FCHSD2: variants seen among roughly 807,000 people sequenced by gnomAD.
FCHSD2 encodes F-BAR and double SH3 domains protein 2.
FCHSD2 carries 38 observed loss-of-function variants against 108.1 expected under a neutral mutation model. The ratio of observed to expected loss-of-function variants is 0.35; its 90% CI spans 0.27 to 0.46. The LOEUF (loss-of-function observed/expected upper bound fraction) is 0.46. FCHSD2 is among the 20% of genes least tolerant of loss of function. The probability of loss-of-function intolerance (pLI) is 1.00; values close to 1 mark genes in which losing one functional copy is unlikely to be tolerated. For missense variants in FCHSD2, 751 were observed against 897.8 expected, an observed-to-expected ratio of 0.84 and a Z score of 2.09; for synonymous variants, 279 against 314.7, an observed-to-expected ratio of 0.89 and a Z score of 1.20.
chr11:72,852,797 T>C (rs759514344), intron 13 of FCHSD2, among the ~76,000 whole-genome samples: 1 of 152,134 alleles, frequency 6.6e-6, no homozygotes, highest in Admixed American at 6.6e-5. Flanking sequence ...ATATATACCA[T>C]GAAATACTAG....
rs573913766 is a variant in FCHSD2 at position 72,865,265 on chromosome 11, C to T, written c.1308+2600G>A. 2.6e-5 allele frequency among the ~76,000 whole-genome samples: 4 copies of T among 152,256 alleles called. No individual in the cohort carries two copies. In the East Asian group the frequency reaches 5.8e-4, roughly 22 times the overall value. The stretch of plus-strand genomic sequence containing the variant: ...AGCTGTCAGTATGAAGAGATACAAC[C>T]CCCTCTAAATAATTTCAGTGCTGTT... On this transcript the variant is annotated intron_variant, in intron 13 of 19. Transcript: ENST00000409418.
At chr11:73,078,933 G>C (rs1386906599) in intron 3 of FCHSD2, among the ~76,000 whole-genome samples, 1 of 151,818 alleles carries the variant, frequency 6.6e-6, no homozygotes, top group Admixed American at 6.6e-5. Context: ...TTGTCAGGCC[G>C]GTCTGAAACT....
chr11:73,101,370 G>A (rs1033385458), intron 2 of FCHSD2, among the ~76,000 whole-genome samples: 4 of 152,142 alleles, frequency 2.6e-5, no homozygotes, highest in Non-Finnish European at 4.4e-5. Flanking sequence ...AGAGAAAGGA[G>A]TGATAACTCT....
chr11:73,120,357 T>C (rs2135557253), intron 2 of FCHSD2, among the ~76,000 whole-genome samples: 1 of 152,340 alleles, frequency 6.6e-6, no homozygotes, highest in African/African-American at 2.4e-5. Context: ...ATTTTAAAAG[T>C]CTATTAAGTA....
In FCHSD2 at chr11:72,952,393, C is replaced by G. The variant is rs574469971; in HGVS notation, c.706-30443G>C. On this transcript the variant is annotated intron_variant, in intron 8 of 19. Coordinates refer to ENST00000409418, the MANE Select transcript of FCHSD2 (RefSeq NM_014824.3). ...AGTGTGGAGTGCAGTGGCACTATTT[C>G]GGCTCACTGCAACTTCCGCCTCCCG... 4.6e-5 allele frequency among the ~76,000 whole-genome samples: 7 copies of G among 151,136 alleles called. No homozygotes were observed. In the South Asian group the frequency reaches 1.0e-3, roughly 23 times the overall value.
chr11:72,990,873 C>T (rs1034257140), intron 5 of FCHSD2, among the ~76,000 whole-genome samples: 5 of 151,904 alleles, frequency 3.3e-5, no homozygotes, highest in Middle Eastern at 3.4e-3. Context: ...CAGAACTGAA[C>T]GAAATAGAGA....
intron 3 of FCHSD2, among the ~76,000 whole-genome samples, chr11:73,041,440 A>G (rs998678778): frequency 8.5e-5 from 13 of 152,066 alleles, no homozygotes; most frequent in South Asian, 2.1e-4. Context: ...AGGTAAGATG[A>G]TATCTCATTG....
Position 72,841,392 on chromosome 11 carries a change from G to C in FCHSD2, c.2056+62C>G, listed in dbSNP as rs989790229. Reference sequence around the variant, plus strand: ...AAATGCAGTTTTTTTTTGCCCTTCAGGCGAATATGTAGGTTTCTGAAGTGA... The same window carrying C: ...AAATGCAGTTTTTTTTTGCCCTTCACGCGAATATGTAGGTTTCTGAAGTGA... On this transcript the variant is annotated intron_variant, in intron 18 of 19. Transcript: ENST00000409418. 6.7e-6 allele frequency: 10 copies of C among 1,489,128 alleles called. No individual in the cohort carries two copies. In the Admixed American group the frequency reaches 1.6e-4, roughly 24 times the overall value. 92.2% of individuals were successfully genotyped at this position (1,489,128 alleles called of 1,614,324 possible).
chr11:73,008,508 T>C (rs551160316), intron 4 of FCHSD2, among the ~76,000 whole-genome samples: 1 of 152,278 alleles, frequency 6.6e-6, no homozygotes, highest in East Asian at 1.9e-4. Context: ...GGAAAAAGAC[T>C]GCTTTCAGTC....
At chr11:72,941,714 AG>A (rs1856422820) in intron 8 of FCHSD2, among the ~76,000 whole-genome samples, 1 of 152,214 alleles carries the variant, frequency 6.6e-6, no homozygotes, top group South Asian at 2.1e-4. Context: ...CAAGGGTGCA[AG>A]GATAGGCACT....
At chr11:72,851,101 C>CAAAAA (rs55916551) in intron 13 of FCHSD2, among the ~76,000 whole-genome samples, 3 of 70,078 alleles carry the variant, frequency 4.3e-5, no homozygotes, top group Non-Finnish European at 7.5e-5. Flanking sequence ...GACTCTGTCT[C>CAAAAA]AAAAAAAAAA....
chr11:73,060,434 T>TA (rs972442262), intron 3 of FCHSD2, among the ~76,000 whole-genome samples: 7 of 151,564 alleles, frequency 4.6e-5, no homozygotes, highest in African/African-American at 7.3e-5. Flanking sequence ...AATACCAGGA[T>TA]AAAAAAAAAG....
intron 3 of FCHSD2, among the ~76,000 whole-genome samples, chr11:73,054,504 A>G (rs1356416930): frequency 6.6e-6 from 1 of 152,148 alleles, no homozygotes; most frequent in Non-Finnish European, 1.5e-5. Flanking sequence ...TTTTGGATTT[A>G]AAAAGAATCG....
intron 3 of FCHSD2, among the ~76,000 whole-genome samples, chr11:73,037,167 G>T (rs1648237008): frequency 6.6e-6 from 1 of 152,124 alleles, no homozygotes; most frequent in South Asian, 2.1e-4. Flanking sequence ...AAAATTGAGA[G>T]AAAGGTACAG....
chr11:73,083,311 G>A (rs1859739236), intron 3 of FCHSD2, among the ~76,000 whole-genome samples: 1 of 152,162 alleles, frequency 6.6e-6, no homozygotes, highest in Non-Finnish European at 1.5e-5. Context: ...AACACTTTGG[G>A]AGGCCAAGGC....
At position 72,885,207 on chromosome 11, in the gene FCHSD2, ATTTTTTGTATC is replaced by A. The variant is rs201292605; in HGVS notation, c.1146+2252_1146+2262del. 6.1e-3 allele frequency among the ~76,000 whole-genome samples: 820 copies of A among 133,864 alleles called. 4 individuals carry two copies. Among genetic ancestry groups the A allele is most frequent in the South Asian group, 0.017 (67 of 3,858 alleles). The allele number at this position is 133,864 out of a possible 152,430, so 87.8% of individuals were successfully genotyped here. A position where few individuals can be genotyped will look rare whatever the true frequency, so the allele number is the denominator to read the frequency against. On this transcript the variant is annotated intron_variant, in intron 12 of 19. Coordinates refer to ENST00000409418, the MANE Select transcript of FCHSD2 (RefSeq NM_014824.3). ...TTTGCTGGCTAATTTTACTTAGGCT[ATTTTTTGTATC>A]TGTTAAGTGGAAACCAAGTGAGATT...
chr11:72,842,628 T>C lies in FCHSD2; in HGVS notation c.1919A>G (p.Glu640Gly). The change falls in exon 17 of 20, where the codon GAG (glutamate) becomes GGG (glycine). Residue 640 changes from glutamate (E) to glycine (G), a missense_variant. Glu to Gly is a moderately conservative substitution (Grantham distance 98, BLOSUM62 -2). Coordinates refer to ENST00000409418, the MANE Select transcript of FCHSD2 (RefSeq NM_014824.3). ...SENGDTPWMR[E>G]IQISPSPKPH... ...GTCTCCCCTCTCAGGTACCTGAATC[T>C]CTCTCATCCATGGAGTGTCACCATT... 6.2e-7 allele frequency: 1 copy of C among 1,614,034 alleles called. No individual in the cohort carries two copies. Among genetic ancestry groups the C allele is most frequent in the Non-Finnish European group, 8.5e-7 (1 of 1,179,898 alleles).
At chr11:73,137,148 T>C (rs116878858) in intron 2 of FCHSD2, among the ~76,000 whole-genome samples, 21 of 152,238 alleles carry the variant, frequency 1.4e-4, no homozygotes, top group Non-Finnish European at 2.8e-4. Context: ...ACTGAAGTTA[T>C]CATGAATACC....
chr11:73,088,972 CTTGATGTGCATATCAACTAAT>C (rs1859890396), intron 2 of FCHSD2, among the ~76,000 whole-genome samples: 1 of 152,094 alleles, frequency 6.6e-6, no homozygotes, highest in Non-Finnish European at 1.5e-5. Flanking sequence ...CTTTTGTACC[CTTGATGTGCATATCAACTAAT>C]TTAAATATTC....
Sources: allele counts gnomAD v4.1 joint callset (sites outside exome capture counted in the v4.1 genomes callset), GRCh38; gene constraint gnomAD v4.1.1; transcripts MANE v1.5; gene names NCBI Gene and HGNC (gene_info 2026-07-23, HGNC 2026-07-21).